The following ZCCHC24 variants were observed in gnomAD, a reference collection of about 807,000 sequenced individuals.
ZCCHC24 encodes zinc finger CCHC domain-containing protein 24.
A neutral mutation model predicts 26.2 loss-of-function variants in ZCCHC24; 10 were observed. The observed-to-expected ratio is 0.38, with a 90% CI of 0.24 to 0.65. ZCCHC24 has a LOEUF of 0.65. ZCCHC24 is among the 30% of genes least tolerant of loss of function. The pLI is 0.54. For synonymous variants in ZCCHC24, 144 were observed against 147.1 expected (o/e 0.98, Z 0.15); for missense variants, 243 against 329.1 (o/e 0.74, Z 2.03).
chr10:79,418,545 G>A (rs984736390), intron 2 of ZCCHC24, among the ~76,000 whole-genome samples: 16 of 152,358 alleles, frequency 1.1e-4, no homozygotes, highest in Admixed American at 9.8e-4. Context: ...GGGCATAGGG[G>A]CTGCACCATG....
At chr10:79,428,067 A>G (rs1857058166) in intron 2 of ZCCHC24, among the ~76,000 whole-genome samples, 2 of 152,206 alleles carry the variant, frequency 1.3e-5, no homozygotes, top group African/African-American at 4.8e-5. Context: ...ATACTTATAA[A>G]CCCTCGATCA....
At chr10:79,391,387 G>A (rs533202101) in intron 3 of ZCCHC24, among the ~76,000 whole-genome samples, 38 of 152,198 alleles carry the variant, frequency 2.5e-4, no homozygotes, top group Admixed American at 5.2e-4. Flanking sequence ...TGTGGAAGGG[G>A]CATGGTGAGG....
intron 1 of ZCCHC24, among the ~76,000 whole-genome samples, chr10:79,434,677 A>G (rs923582917): frequency 6.6e-6 from 1 of 152,152 alleles, no homozygotes. Flanking sequence ...CCTCAGACCT[A>G]CCAAAGCAGC....
intron 2 of ZCCHC24, among the ~76,000 whole-genome samples, chr10:79,397,402 T>C (rs979738322): frequency 2.6e-5 from 4 of 152,218 alleles, no homozygotes; most frequent in Non-Finnish European, 4.4e-5. Flanking sequence ...CGTGTGCCTC[T>C]GAAGGCACAC....
At chr10:79,430,686 C>CACACCACACACACACA (rs370025190) in intron 2 of ZCCHC24, among the ~76,000 whole-genome samples, 1 of 140,622 alleles carries the variant, frequency 7.1e-6, no homozygotes, top group Non-Finnish European at 1.5e-5. Flanking sequence ...CACACACACA[C>CACACCACACACACACA]CACACACACA....
At position 79,432,631 on chromosome 10, in the gene ZCCHC24, C is replaced by T. The variant is rs774605737; in HGVS notation, c.374G>A (p.Ser125Asn). 4 of 1,608,886 alleles carry T rather than the reference C, an allele frequency of 2.5e-6. No individual in the cohort carries two copies. In the East Asian group the frequency reaches 9.0e-5, roughly 36 times the overall value. ...LTLTSEARKP[S>N]KRPPPNYLCH... The stretch of plus-strand genomic sequence containing the variant: ...CAGGTAGTTGGGTGGGGGCCGCTTG[C>T]TGGGCTTGCGAGCCTCGGAGGTGAG... Residue 125 changes from serine to asparagine, a missense_variant, in exon 2 of 4, where the codon AGC becomes AAC. Transcript: ENST00000372336.
intron 2 of ZCCHC24, among the ~76,000 whole-genome samples, chr10:79,430,712 A>ACACACACACACACACACACC (rs1311631405): frequency 2.4e-4 from 36 of 149,114 alleles, no homozygotes; most frequent in African/African-American, 8.0e-4. Context: ...ACACACACAC[A>ACACACACACACACACACACC]CCCTCTGCTA....
chr10:79,403,179 C>T (rs1288571444), intron 2 of ZCCHC24, among the ~76,000 whole-genome samples: 1 of 152,240 alleles, frequency 6.6e-6, no homozygotes, highest in African/African-American at 2.4e-5. Flanking sequence ...GATTCACGCC[C>T]TCAGGCAGAG....
chr10:79,445,233 T>C lies in ZCCHC24; in HGVS notation c.208A>G (p.Ser70Gly). Reference protein sequence around the residue: ...PEQLGSPLHSSYLNSFFQLQR... With the variant: ...PEQLGSPLHSGYLNSFFQLQR... ...AGCTGGAAGAAGCTGTTGAGATAGCTGGAGTGCAGGGGCGAGCCCAGCTGC... is the reference window on the plus strand; with the variant it reads ...AGCTGGAAGAAGCTGTTGAGATAGCCGGAGTGCAGGGGCGAGCCCAGCTGC... Residue 70 changes from serine (S) to glycine (G), a missense_variant, in exon 1 of 4, where the codon AGC (serine) becomes GGC (glycine). Physicochemically the swap from Ser to Gly is moderately conservative, Grantham distance 56. Coordinates refer to ENST00000372336, the MANE Select transcript of ZCCHC24 (RefSeq NM_153367.4). 2.2e-6 allele frequency: 3 copies of C among 1,356,736 alleles called. No homozygotes were observed. Among genetic ancestry groups the C allele is most frequent in the South Asian group, 3.5e-5 (2 of 57,230 alleles). 84.0% of individuals were successfully genotyped at this position (1,356,736 alleles called of 1,614,324 possible).
intron 2 of ZCCHC24, among the ~76,000 whole-genome samples, chr10:79,411,623 C>T (rs1232415825): frequency 1.3e-5 from 2 of 152,208 alleles, no homozygotes; most frequent in African/African-American, 4.8e-5. Flanking sequence ...TCTCATTCCA[C>T]TGCCCACGGG....
At chr10:79,443,186 T>C (rs896905428) in intron 1 of ZCCHC24, among the ~76,000 whole-genome samples, 1 of 152,152 alleles carries the variant, frequency 6.6e-6, no homozygotes, top group Non-Finnish European at 1.5e-5. Flanking sequence ...TTCCTGCTCC[T>C]TTCACACTGT....
intron 2 of ZCCHC24, chr10:79,403,298 G>T: frequency 1.4e-6 from 1 of 740,476 alleles, no homozygotes; most frequent in Non-Finnish European, 1.6e-6. Flanking sequence ...CCCTAATGAC[G>T]GATGAGGAAA....
At chr10:79,426,059 C>T (rs1857022754) in intron 2 of ZCCHC24, among the ~76,000 whole-genome samples, 1 of 152,166 alleles carries the variant, frequency 6.6e-6, no homozygotes. Flanking sequence ...AGTCTTCCTG[C>T]CAGTGTCCAA....
intron 1 of ZCCHC24, among the ~76,000 whole-genome samples, chr10:79,440,050 G>A (rs1213649755): frequency 6.6e-6 from 1 of 152,014 alleles, no homozygotes; most frequent in African/African-American, 2.4e-5. Flanking sequence ...AAAACCCCAA[G>A]TAGACCAGTA....
At position 79,445,316 on chromosome 10, in the gene ZCCHC24, G is replaced by C; in HGVS notation, c.125C>G (p.Pro42Arg). Residue 42 changes from proline (P) to arginine (R), a missense_variant, in exon 1 of 4, where the codon CCC (proline) becomes CGC (arginine). Coordinates refer to ENST00000372336, the MANE Select transcript of ZCCHC24 (RefSeq NM_153367.4). The stretch of plus-strand genomic sequence containing the variant: ...GGGTGCGGCGCCGGCGGTCGGCTCG[G>C]GCCGGAAGGCATCGAAGGCGCTAGC... ...HQASAFDAFR[P>R]EPTAGAAPPE... 1 of 1,515,632 alleles carries C rather than the reference G, an allele frequency of 6.6e-7. No individual in the cohort carries two copies. Among genetic ancestry groups the C allele is most frequent in the African/African-American group, 1.4e-5 (1 of 69,734 alleles). 93.9% of individuals were successfully genotyped at this position (1,515,632 alleles called of 1,614,324 possible). A position where few individuals can be genotyped will look rare whatever the true frequency, so the allele number is the denominator to read the frequency against.
chr10:79,402,420 T>G (rs575518561), intron 2 of ZCCHC24, among the ~76,000 whole-genome samples: 2 of 152,188 alleles, frequency 1.3e-5, no homozygotes, highest in East Asian at 3.9e-4. Context: ...GGACTATAGG[T>G]GCCCGCCACC....
chr10:79,436,746 A>G (rs913035727), intron 1 of ZCCHC24, among the ~76,000 whole-genome samples: 2 of 152,166 alleles, frequency 1.3e-5, no homozygotes, highest in African/African-American at 4.8e-5. Context: ...TCTCATTTCC[A>G]TGGGCCGAGT....
intron 3 of ZCCHC24, among the ~76,000 whole-genome samples, chr10:79,389,836 G>T (rs1246890621): frequency 1.3e-5 from 2 of 152,004 alleles, no homozygotes; most frequent in Non-Finnish European, 1.5e-5. Context: ...GGCTGGTCTT[G>T]AGCTCCTGAC....
intron 2 of ZCCHC24, among the ~76,000 whole-genome samples, chr10:79,402,465 C>T (rs186374567): frequency 1.3e-5 from 2 of 152,144 alleles, no homozygotes; most frequent in South Asian, 2.1e-4. Flanking sequence ...TTAGTAGAGA[C>T]GGGGTTTCAC....
Sources: allele counts gnomAD v4.1 joint callset (sites outside exome capture counted in the v4.1 genomes callset), GRCh38; gene constraint gnomAD v4.1.1; transcripts MANE v1.5; gene names NCBI Gene and HGNC (gene_info 2026-07-23, HGNC 2026-07-21).